Variants in EHHADH observed in about 807,000 individuals in gnomAD.
EHHADH encodes peroxisomal bifunctional enzyme.
EHHADH carries 48 observed loss-of-function variants against 64.4 expected under a neutral mutation model. The ratio of observed to expected loss-of-function variants is 0.75; its 90% confidence interval spans 0.59 to 0.95. EHHADH has a LOEUF of 0.95. Among genes scored for constraint, EHHADH ranks in the 40% least tolerant of loss-of-function variants. EHHADH has a pLI of 0.00. For synonymous variants in EHHADH, 308 were observed against 326.7 expected (o/e 0.94, Z 0.62); for missense variants, 854 against 876.6 (o/e 0.97, Z 0.33).
chr3:185,249,869 G>A (rs1000707464), intron 1 of EHHADH, among the ~76,000 whole-genome samples: 14 of 152,160 alleles, frequency 9.2e-5, no homozygotes, highest in African/African-American at 3.4e-4. Context: ...CCAATGGGAT[G>A]GAAGCATATT....
rs748687324 is a variant in EHHADH, at chr3:185,204,754, T to A, written c.572A>T (p.Gln191Leu). The change falls in exon 6 of 7, where the codon CAA (glutamine) becomes CTA (leucine). Residue 191 changes from glutamine (Q) to leucine (L), a missense_variant. Coordinates refer to ENST00000231887, the MANE Select transcript of EHHADH (RefSeq NM_001966.4). ...GCAGAGTCTACGGGATTCTAGAGGT[T>A]GATCTGAAAGGAATAAGAAGGATCA... ...AIRFAQRVSDQPLESRRLCNK... is the reference protein window; with the variant it reads ...AIRFAQRVSDLPLESRRLCNK... The A allele has an allele frequency of 6.2e-7, 1 of 1,601,102 alleles. No individual in the cohort carries two copies. The highest frequency in any genetic ancestry group is 8.5e-7 in the Non-Finnish European group (1 of 1,170,890).
chr3:185,235,295 C>T lies in EHHADH; in HGVS notation c.346G>A (p.Ala116Thr), dbSNP rs753038564. ...TATAGAGCCTTGGTTGTTACCTCTG[C>T]GTGGGCAATCCTATAGTGACAGCCC... Reference protein sequence around the residue: ...ALGCHYRIAHAEAQVGLPEVT... With the variant: ...ALGCHYRIAHTEAQVGLPEVT... Residue 116 changes from alanine (A) to threonine (T), a missense_variant, in exon 3 of 7, where the codon GCA becomes ACA. Physicochemically the swap from Ala to Thr is moderately conservative, Grantham distance 58. Coordinates refer to ENST00000231887, the MANE Select transcript of EHHADH (RefSeq NM_001966.4). The T allele has an allele frequency of 2.6e-5, 42 of 1,609,880 alleles. No individual in the cohort carries two copies. The highest frequency in any genetic ancestry group is 1.4e-4 in the South Asian group (13 of 90,400).
chr3:185,245,507 G>C (rs1332543041), intron 2 of EHHADH: 37 of 1,056,036 alleles, frequency 3.5e-5, no homozygotes, highest in Non-Finnish European at 4.7e-5. Flanking sequence ...ATGACAGTCT[G>C]GAAGCCAGTT....
At chr3:185,223,710 G>A (rs1718896644) in intron 4 of EHHADH, among the ~76,000 whole-genome samples, 1 of 152,168 alleles carries the variant, frequency 6.6e-6, no homozygotes, top group African/African-American at 2.4e-5. Context: ...TCCCACCAAA[G>A]TCTAGAGCTC....
At chr3:185,194,483 A>C (rs1018460688) in intron 6 of EHHADH, among the ~76,000 whole-genome samples, 1 of 151,946 alleles carries the variant, frequency 6.6e-6, no homozygotes, top group African/African-American at 2.4e-5. Flanking sequence ...GTGGTGGTGC[A>C]TGCCTGTAAT....
rs1433800235 is a variant in EHHADH, at chr3:185,192,279, G to A, written c.2119C>T (p.Pro707Ser). ...AAGCTTTGCCATTCTTTCAGGGGAG[G>A]GTTTCCCTGAGAAGCCAGTTTTTTT... ...YLKKLASQGNPPLKEWQSLAG... is the reference protein window; with the variant it reads ...YLKKLASQGNSPLKEWQSLAG... The change falls in exon 7 of 7, where the codon CCT becomes TCT. Residue 707 changes from proline (P) to serine (S), a missense_variant. Pro to Ser is a moderately conservative substitution (Grantham distance 74, BLOSUM62 -1). Transcript: ENST00000231887. The A allele has an allele frequency of 1.2e-6, 2 of 1,614,114 alleles. No individual in the cohort carries two copies. The highest frequency in any genetic ancestry group is 4.5e-5 in the East Asian group (2 of 44,868).
At chr3:185,214,067 G>A (rs1439877692) in intron 5 of EHHADH, among the ~76,000 whole-genome samples, 1 of 152,116 alleles carries the variant, frequency 6.6e-6, no homozygotes, top group South Asian at 2.1e-4. Flanking sequence ...TGGTTGATCT[G>A]TCTTTTTCTC....
intron 6 of EHHADH, among the ~76,000 whole-genome samples, chr3:185,197,333 A>G (rs960999198): frequency 1.3e-5 from 2 of 152,220 alleles, no homozygotes; most frequent in Non-Finnish European, 2.9e-5. Context: ...TTCCCATCAT[A>G]GCCATTTCTA....
chr3:185,203,627 GA>G (rs2108628957), intron 6 of EHHADH, among the ~76,000 whole-genome samples: 1 of 152,182 alleles, frequency 6.6e-6, no homozygotes, highest in African/African-American at 2.4e-5. Context: ...ATTCCAGAGG[GA>G]AAAAAAGTAA....
chr3:185,207,072 T>G (rs1172004048), intron 5 of EHHADH, among the ~76,000 whole-genome samples: 2 of 152,044 alleles, frequency 1.3e-5, no homozygotes, highest in Non-Finnish European at 2.9e-5. Context: ...CAGATTGCTT[T>G]GAGCTCAGGA....
intron 5 of EHHADH, among the ~76,000 whole-genome samples, chr3:185,205,050 GATTA>G (rs752498528): frequency 6.6e-5 from 10 of 151,440 alleles, no homozygotes; most frequent in East Asian, 1.9e-4. Flanking sequence ...ATAGATTAAT[GATTA>G]ATTAATTAAA....
chr3:185,204,491 T>C lies in EHHADH; in HGVS notation c.835A>G (p.Asn279Asp). 1 of 1,614,176 alleles carries C rather than the reference T, an allele frequency of 6.2e-7. No individual in the cohort carries two copies. The highest frequency in any genetic ancestry group is 8.5e-7 in the Non-Finnish European group (1 of 1,180,030). Residue 279 changes from asparagine to aspartate, a missense_variant, in exon 6 of 7, where the codon AAT (asparagine) becomes GAT (aspartate). By Grantham distance (23) the Asn-to-Asp change is conservative. Coordinates refer to ENST00000231887, the MANE Select transcript of EHHADH (RefSeq NM_001966.4). The part of the protein sequence containing the change: ...QYAFFAERKA[N>D]KWSTPSGASW... ...GCTCCGGAGGGAGTTGACCACTTAT[T>C]TGCTTTCCTTTCAGCGAAGAAAGCA...
At position 185,191,706 on chromosome 3, in the gene EHHADH, G is replaced by C. The variant is rs1483406833; in HGVS notation, c.*520C>G. 3.2e-5 allele frequency: 5 copies of C among 154,876 alleles called. No individual in the cohort carries two copies. In the East Asian group the frequency reaches 9.5e-4, roughly 30 times the overall value. The allele number at this position is 154,876 out of a possible 1,614,324, so 9.6% of individuals were successfully genotyped here. On this transcript the variant is annotated 3_prime_UTR_variant, in exon 7 of 7. Coordinates refer to ENST00000231887, the MANE Select transcript of EHHADH (RefSeq NM_001966.4). ...AAACAGAAGAGGAAAGACCAGAAGA[G>C]GAAAGGCTTGCCACACTAACCTAAG...
At chr3:185,249,877 A>G (rs1369933788) in intron 1 of EHHADH, among the ~76,000 whole-genome samples, 3 of 152,168 alleles carry the variant, frequency 2.0e-5, no homozygotes, top group Non-Finnish European at 2.9e-5. Flanking sequence ...ATGGAAGCAT[A>G]TTTGGTATAT....
intron 6 of EHHADH, among the ~76,000 whole-genome samples, chr3:185,197,458 C>G (rs1050056573): frequency 6.6e-6 from 1 of 152,118 alleles, no homozygotes; most frequent in Non-Finnish European, 1.5e-5. Flanking sequence ...CCCCATTTTC[C>G]CTCTCCCCAA....
At chr3:185,207,279 C>A (rs1198068538) in intron 5 of EHHADH, among the ~76,000 whole-genome samples, 2 of 148,512 alleles carry the variant, frequency 1.3e-5, no homozygotes, top group South Asian at 2.1e-4. Context: ...CAGAGTGAGA[C>A]CCCATTTCAA....
intron 2 of EHHADH, chr3:185,246,379 G>GCTT: frequency 3.1e-6 from 2 of 650,272 alleles, no homozygotes; most frequent in East Asian, 3.6e-5. Context: ...AACATAAAAG[G>GCTT]CTTCTTCTTC....
intron 6 of EHHADH, among the ~76,000 whole-genome samples, chr3:185,196,273 A>C (rs1028739606): frequency 6.6e-6 from 1 of 152,260 alleles, no homozygotes; most frequent in Non-Finnish European, 1.5e-5. Flanking sequence ...TTGCATTTAT[A>C]CAATAAAAAT....
At position 185,253,589 on chromosome 3, in the gene EHHADH, T is replaced by TGAA. The variant is rs1553780939; in HGVS notation, c.74+359_74+360insTTC. The stretch of plus-strand genomic sequence containing the variant: ...TATAATTAAAAAAAAAAAAGAAAAA[T>TGAA]AAAAAGTCGGCCTGCAAAGCCAAAG... On this transcript the variant is annotated intron_variant, in intron 1 of 6. Coordinates refer to ENST00000231887, the MANE Select transcript of EHHADH (RefSeq NM_001966.4). Among the ~76,000 whole-genome samples, 3 of 147,370 alleles carry TGAA rather than the reference T, an allele frequency of 2.0e-5. No individual in the cohort carries two copies. The East Asian group carries it at 6.1e-4, about 30-fold the overall frequency.
Sources: allele counts gnomAD v4.1 joint callset (sites outside exome capture counted in the v4.1 genomes callset), GRCh38; gene constraint gnomAD v4.1.1; transcripts MANE v1.5; gene names NCBI Gene and HGNC (gene_info 2026-07-23, HGNC 2026-07-21).